Variants in SORCS1 observed in about 807,000 individuals in gnomAD.
The protein encoded by SORCS1 is VPS10 domain-containing receptor SorCS1.
SORCS1 carries 60 observed loss-of-function variants against 146.1 expected under a neutral mutation model. That is an observed-to-expected ratio of 0.41 (90% CI 0.33 to 0.51). The LOEUF (loss-of-function observed/expected upper bound fraction) is 0.51, where lower values mean the gene tolerates loss of function less well. Among genes scored for constraint, SORCS1 ranks in the 20% least tolerant of loss-of-function variants. SORCS1 has a pLI of 0.21. For missense variants in SORCS1, 1,352 were observed against 1,487.6 expected, an observed-to-expected ratio of 0.91 and a Z score of 1.50; for synonymous variants, 637 against 584.0, an observed-to-expected ratio of 1.09 and a Z score of -1.31.
At chr10:106,819,624 T>C (rs1947915953) in intron 3 of SORCS1, among the ~76,000 whole-genome samples, 1 of 152,150 alleles carries the variant, frequency 6.6e-6, no homozygotes, top group South Asian at 2.1e-4. Context: ...GCGATGATAT[T>C]TGAATCTGCT....
intron 2 of SORCS1, among the ~76,000 whole-genome samples, chr10:106,944,874 CTTTTTTTTTTT>C (rs765355110): frequency 4.6e-4 from 17 of 36,576 alleles, no homozygotes; most frequent in South Asian, 1.5e-3. Context: ...AAAGAGCCTT[CTTTTTTTTTTT>C]TTTTTTTTTT....
intron 12 of SORCS1, among the ~76,000 whole-genome samples, chr10:106,677,700 G>T (rs1256799332): frequency 6.6e-6 from 1 of 152,112 alleles, no homozygotes; most frequent in African/African-American, 2.4e-5. Flanking sequence ...CAGTTATGAT[G>T]ATGTCAGAAT....
rs147002585 is a variant in SORCS1 at position 106,852,038 on chromosome 10, A to T, written c.627-22365T>A. 6.5e-3 allele frequency among the ~76,000 whole-genome samples: 984 copies of T among 152,252 alleles called. 13 individuals are homozygous for T. Among genetic ancestry groups the T allele is most frequent in the African/African-American group, 0.023 (948 of 41,560 alleles). ...TATTACTTTTGTATATTAACCTTAT[A>T]TTGTACAATCTTGCTACAATTACTT... On this transcript the variant is annotated intron_variant, in intron 2 of 25. Coordinates refer to ENST00000263054, the MANE Select transcript of SORCS1 (RefSeq NM_052918.5).
intron 23 of SORCS1, among the ~76,000 whole-genome samples, chr10:106,602,475 A>C (rs148855700): frequency 6.6e-6 from 1 of 150,768 alleles, no homozygotes; most frequent in Non-Finnish European, 1.5e-5. Context: ...CCAAATACTA[A>C]ATTCTAATTA....
In SORCS1 at chr10:106,886,557, C is replaced by T. The variant is rs761280206; in HGVS notation, c.627-56884G>A. ...TTTCCAAGTACCCTGTGATTACTAT[C>T]GATCTGTTCAGCTCATTGCAACTCA... On this transcript the variant is annotated intron_variant, in intron 2 of 25. Coordinates refer to ENST00000263054, the MANE Select transcript of SORCS1 (RefSeq NM_052918.5). 3.3e-5 allele frequency among the ~76,000 whole-genome samples: 5 copies of T among 152,228 alleles called. No homozygotes were observed. In the South Asian group the frequency reaches 6.2e-4, roughly 19 times the overall value.
At chr10:106,807,858 G>C (rs1947263112) in intron 3 of SORCS1, among the ~76,000 whole-genome samples, 2 of 152,224 alleles carry the variant, frequency 1.3e-5, no homozygotes. Flanking sequence ...AATGATTGCT[G>C]TATTAGTTTG....
intron 1 of SORCS1, among the ~76,000 whole-genome samples, chr10:107,053,819 G>A (rs1960352070): frequency 6.6e-6 from 1 of 152,196 alleles, no homozygotes; most frequent in Non-Finnish European, 1.5e-5. Flanking sequence ...CAATCATATA[G>A]TTTACCTCCT....
At chr10:106,729,635 CTT>C (rs1856454002) in intron 6 of SORCS1, among the ~76,000 whole-genome samples, 1 of 152,056 alleles carries the variant, frequency 6.6e-6, no homozygotes, top group Non-Finnish European at 1.5e-5. Flanking sequence ...TGGAAAGACA[CTT>C]TGATTGGATG....
At chr10:106,702,331 C>G (rs1854196838) in intron 8 of SORCS1, among the ~76,000 whole-genome samples, 1 of 152,194 alleles carries the variant, frequency 6.6e-6, no homozygotes, top group Non-Finnish European at 1.5e-5. Context: ...GTTAAAATAT[C>G]TCAACAATAA....
intron 2 of SORCS1, among the ~76,000 whole-genome samples, chr10:106,858,790 A>G (rs1192715552): frequency 6.6e-6 from 1 of 152,184 alleles, no homozygotes; most frequent in Non-Finnish European, 1.5e-5. Flanking sequence ...AAGAAAGGGC[A>G]AAGTAATTTA....
rs574755267 is a variant in SORCS1, at chr10:106,580,512, C to T, written c.3266-1038G>A. On this transcript the variant is annotated intron_variant, in intron 24 of 25. Coordinates refer to ENST00000263054, the MANE Select transcript of SORCS1 (RefSeq NM_052918.5). Reference sequence around the variant, plus strand: ...GACATTTTGCAAATGTAGTGCAGCTCGTGCATAAAAGACAAGCCACATGTA... The same window carrying T: ...GACATTTTGCAAATGTAGTGCAGCTTGTGCATAAAAGACAAGCCACATGTA... 3.9e-5 allele frequency among the ~76,000 whole-genome samples: 6 copies of T among 152,242 alleles called. No individual in the cohort carries two copies. The South Asian group carries it at 6.2e-4, about 16-fold the overall frequency.
At chr10:107,173,209 T>G in the SORCS1 span, among the ~76,000 whole-genome samples, 1 of 152,200 alleles carries the variant, frequency 6.6e-6, no homozygotes, top group African/African-American at 2.4e-5. Flanking sequence ...GTTTGTACTC[T>G]TGTGTCTAGC....
chr10:107,015,505 C>T (rs1479311147), intron 1 of SORCS1, among the ~76,000 whole-genome samples: 1 of 152,158 alleles, frequency 6.6e-6, no homozygotes, highest in African/African-American at 2.4e-5. Context: ...AGTACAAAGG[C>T]TCAAAAGCAG....
intron 1 of SORCS1, among the ~76,000 whole-genome samples, chr10:107,086,037 T>C (rs1053171730): frequency 3.9e-5 from 6 of 152,234 alleles, no homozygotes; most frequent in Admixed American, 1.3e-4. Flanking sequence ...TCACAGATGC[T>C]GTCAAAATAA....
chr10:107,001,567 G>A (rs560336802), intron 1 of SORCS1, among the ~76,000 whole-genome samples: 105 of 152,270 alleles, frequency 6.9e-4, no homozygotes, highest in Non-Finnish European at 1.2e-3. Context: ...GGGTTCAAGC[G>A]ATTCTCCTGC....
At chr10:106,859,368 T>C (rs959814366) in intron 2 of SORCS1, among the ~76,000 whole-genome samples, 3 of 152,206 alleles carry the variant, frequency 2.0e-5, no homozygotes, top group Admixed American at 2.0e-4. Context: ...TCACAATTCA[T>C]TCATACACTT....
chr10:106,687,278 A>G (rs1395906624), intron 10 of SORCS1, among the ~76,000 whole-genome samples: 1 of 152,180 alleles, frequency 6.6e-6, no homozygotes, highest in African/African-American at 2.4e-5. Context: ...CCTTGAAAGC[A>G]AGATTCATCT....
chr10:106,619,947 T>C (rs1194398064), intron 20 of SORCS1, among the ~76,000 whole-genome samples: 1 of 152,216 alleles, frequency 6.6e-6, no homozygotes, highest in Non-Finnish European at 1.5e-5. Flanking sequence ...AATCTATTGC[T>C]TGCGCCTGTC....
intron 1 of SORCS1, among the ~76,000 whole-genome samples, chr10:107,078,402 C>T (rs1963059434): frequency 6.6e-6 from 1 of 152,202 alleles, no homozygotes; most frequent in African/African-American, 2.4e-5. Flanking sequence ...GCTAATTTAT[C>T]ACTCAAGGGA....
Sources: allele counts gnomAD v4.1 joint callset (sites outside exome capture counted in the v4.1 genomes callset), GRCh38; gene constraint gnomAD v4.1.1; transcripts MANE v1.5; gene names NCBI Gene and HGNC (gene_info 2026-07-23, HGNC 2026-07-21).